UBASH3A: variants seen among roughly 807,000 people sequenced by gnomAD.
UBASH3A encodes the protein ubiquitin-associated and SH3 domain-containing protein A.
A neutral mutation model predicts 73.5 loss-of-function variants in UBASH3A; 63 were observed. That is an observed-to-expected ratio of 0.86 (90% CI 0.70 to 1.06). UBASH3A has a LOEUF of 1.06. Ranked by LOEUF, UBASH3A falls within the 50% of genes least tolerant of loss-of-function variation. UBASH3A has a pLI of 0.00. For synonymous variants in UBASH3A, 363 were observed against 351.1 expected (o/e 1.03, Z -0.38); for missense variants, 860 against 859.0 (o/e 1.00, Z -0.02).
intron 14 of UBASH3A, 81 bp downstream of exon 14, chr21:42,444,724 T>G: frequency 8.6e-7 from 1 of 1,168,722 alleles, no homozygotes; most frequent in Non-Finnish European, 1.3e-6. Flanking sequence ...CTTCTCGGAA[T>G]GAAAACAAGT....
At chr21:42,408,831 T>C (rs9984849) in intron 2 of UBASH3A, among the ~76,000 whole-genome samples, 73,350 of 149,622 alleles carry the variant, frequency 0.49, 18,250 homozygotes, top group African/African-American at 0.52. Context: ...TGCAGTGAGC[T>C]GAGATTGTGC....
intron 2 of UBASH3A, among the ~76,000 whole-genome samples, chr21:42,407,756 C>T (rs1380663075): frequency 6.6e-6 from 1 of 152,220 alleles, no homozygotes; most frequent in East Asian, 1.9e-4. Context: ...TGCGTCTAAG[C>T]AGATTCCCTG....
intron 7 of UBASH3A, among the ~76,000 whole-genome samples, chr21:42,420,598 C>CTAAG (rs1344222465): frequency 6.6e-6 from 1 of 152,082 alleles, no homozygotes; most frequent in Non-Finnish European, 1.5e-5. Flanking sequence ...CTGGGGCTAG[C>CTAAG]TAAGCAAGGG....
intron 5 of UBASH3A, among the ~76,000 whole-genome samples, chr21:42,414,331 G>C (rs547852078): frequency 6.6e-5 from 10 of 152,282 alleles, no homozygotes; most frequent in Admixed American, 2.0e-4. Context: ...TGAATAATTA[G>C]AAAGTCGCCC....
At chr21:42,428,928 G>C (rs2053484802) in intron 8 of UBASH3A, among the ~76,000 whole-genome samples, 1 of 152,166 alleles carries the variant, frequency 6.6e-6, no homozygotes, top group Non-Finnish European at 1.5e-5. Flanking sequence ...CCTAATCCCG[G>C]GAACTTGTGC....
intron 7 of UBASH3A, among the ~76,000 whole-genome samples, chr21:42,423,828 G>C (rs771978930): frequency 6.6e-6 from 1 of 152,120 alleles, no homozygotes; most frequent in African/African-American, 2.4e-5. Flanking sequence ...TAGGTGCTGT[G>C]GGTTGTCTGA....
Position 42,409,712 on chromosome 21 carries a change from T to C in UBASH3A, c.354+104T>C, listed in dbSNP as rs185410493. The C allele has an allele frequency of 1.3e-4, 135 of 1,049,718 alleles. No individual in the cohort carries two copies. The African/African-American group carries it at 2.0e-3, about 16-fold the overall frequency. 65.0% of individuals were successfully genotyped at this position (1,049,718 alleles called of 1,614,324 possible). A position where few individuals can be genotyped will look rare whatever the true frequency, so the allele number is the denominator to read the frequency against. ...AAGTTGACTTATTTAAATGGGATAGTCCAGAACTGCATCATTAGCTGGCAC... is the reference window on the plus strand; with the variant it reads ...AAGTTGACTTATTTAAATGGGATAGCCCAGAACTGCATCATTAGCTGGCAC... On this transcript the variant is annotated intron_variant, in intron 3 of 14. Transcript: ENST00000319294.
In UBASH3A at chr21:42,403,967, C is replaced by G. The variant is rs146186753; in HGVS notation, c.22C>G (p.Leu8Val). The G allele has an allele frequency of 4.5e-5, 69 of 1,520,830 alleles. No individual in the cohort carries two copies. The highest frequency in any genetic ancestry group is 5.9e-5 in the Non-Finnish European group (67 of 1,129,576). The allele number at this position is 1,520,830 out of a possible 1,614,324, so 94.2% of individuals were successfully genotyped here. MAAGETQ[L>V]YAKVSNKLKS... ...AGAGATGGCAGCGGGGGAGACGCAG[C>G]TCTACGCCAAGGTCTCCAACAAGCT... Residue 8 changes from leucine to valine, a missense_variant, in exon 1 of 15, where the codon CTC becomes GTC. Coordinates refer to ENST00000319294, the MANE Select transcript of UBASH3A (RefSeq NM_018961.4).
intron 14 of UBASH3A, among the ~76,000 whole-genome samples, chr21:42,445,146 A>G (rs558918314): frequency 2.6e-4 from 40 of 152,326 alleles, no homozygotes; most frequent in African/African-American, 9.4e-4. Context: ...CAAACAGAGG[A>G]TAACGCACAC....
chr21:42,408,640 G>A (rs2053025695), intron 2 of UBASH3A, among the ~76,000 whole-genome samples: 1 of 152,062 alleles, frequency 6.6e-6, no homozygotes, highest in Admixed American at 6.6e-5. Flanking sequence ...TTGTGAACTT[G>A]ACAGATGAGA....
At chr21:42,425,997 A>AAG (rs774261501) in intron 7 of UBASH3A, among the ~76,000 whole-genome samples, 4 of 151,928 alleles carry the variant, frequency 2.6e-5, no homozygotes, top group African/African-American at 9.7e-5. Flanking sequence ...CCGAGAGAGA[A>AAG]AGAGAGAGAG....
chr21:42,416,345 G>A, intron 5 of UBASH3A, 97 bp from the exon 6 acceptor site: 1 of 1,318,430 alleles, frequency 7.6e-7, no homozygotes, highest in Non-Finnish European at 1.0e-6. Context: ...TCTGAGTTCT[G>A]AGAGCCCTTG....
chr21:42,443,163 C>T, intron 12 of UBASH3A, 149 bp from the exon 13 acceptor site: 1 of 1,398,168 alleles, frequency 7.2e-7, no homozygotes, highest in Non-Finnish European at 9.3e-7. Context: ...GTTTTCAGCA[C>T]AAAACTGGAG....
intron 5 of UBASH3A, among the ~76,000 whole-genome samples, chr21:42,415,031 G>T (rs1311786909): frequency 6.6e-6 from 1 of 152,202 alleles, no homozygotes; most frequent in African/African-American, 2.4e-5. Context: ...TGACACCGAG[G>T]GGGTGGAGGG....
At chr21:42,444,789 C>T (rs140935648) in intron 14 of UBASH3A, 146 bp downstream of exon 14, 239 of 681,572 alleles carry the variant, frequency 3.5e-4, no homozygotes, top group Non-Finnish European at 5.8e-4. Context: ...CTGTGCCCAC[C>T]GGCTCTTATG....
chr21:42,443,443 T>C (rs770060509), intron 13 of UBASH3A, 25 bp downstream of exon 13: 1 of 1,574,940 alleles, frequency 6.3e-7, no homozygotes. Context: ...ATCCTCAGTA[T>C]GAACAGCCCC....
chr21:42,413,163 C>T lies in UBASH3A; in HGVS notation c.494C>T (p.Pro165Leu), dbSNP rs759080127. ...SYLGFFVSGS[P>L]ADVIREFAMT... ...CTCGGCTTCTTCGTCAGTGGCAGCC[C>T]CGCAGACGTCATCCGGGAATTCGCC... The change falls in exon 4 of 15, where the codon CCC becomes CTC. Residue 165 changes from proline (P) to leucine (L), a missense_variant. By Grantham distance (98) the Pro-to-Leu change is moderately conservative (BLOSUM62 -3). Coordinates refer to ENST00000319294, the MANE Select transcript of UBASH3A (RefSeq NM_018961.4). This position sits in a 1 kb window ranked among gnomAD's most constrained non-coding sequence, Gnocchi z 4.5. 1.2e-6 allele frequency: 2 copies of T among 1,614,098 alleles called. No individual in the cohort carries two copies. The highest frequency in any genetic ancestry group is 3.3e-5 in the Admixed American group (2 of 60,010).
intron 8 of UBASH3A, 95 bp from the exon 9 acceptor site, chr21:42,432,008 G>C: frequency 1.4e-6 from 1 of 694,122 alleles, no homozygotes. Context: ...AGATTCCCTC[G>C]CAGTTGCTGG....
chr21:42,431,925 T>C (rs1301571153), intron 8 of UBASH3A, among the ~76,000 whole-genome samples, 178 bp from the exon 9 acceptor site: 1 of 152,196 alleles, frequency 6.6e-6, no homozygotes, highest in Non-Finnish European at 1.5e-5. Context: ...ATTGAAGAGA[T>C]TGTCAATTTC....
Sources: gnomAD v4.1 joint callset for allele counts (sites outside exome capture counted in the v4.1 genomes callset) on GRCh38, gnomAD v4.1.1 for gene constraint, Gnocchi (gnomAD v3.1) non-coding constraint, MANE v1.5 for transcripts, NCBI Gene and HGNC (gene_info 2026-07-23, HGNC 2026-07-21) for gene names.